Variants in SNX29 observed in about 807,000 individuals in gnomAD.
SNX29 encodes the protein sorting nexin 29.
SNX29 carries 78 observed loss-of-function variants against 102.1 expected under a neutral mutation model. The observed-to-expected ratio is 0.76, with a 90% CI of 0.64 to 0.92. The LOEUF is 0.92. Ranked by LOEUF, SNX29 falls within the 40% of genes least tolerant of loss-of-function variation. SNX29 has a pLI of 0.00. For synonymous variants in SNX29, 580 were observed against 414.5 expected, an observed-to-expected ratio of 1.40 and a Z score of -4.85; for missense variants, 1,280 against 1,061.7, an observed-to-expected ratio of 1.21 and a Z score of -2.86.
At chr16:12,111,864 G>A (rs376842747) in intron 11 of SNX29, among the ~76,000 whole-genome samples, 80 of 152,270 alleles carry the variant, frequency 5.3e-4, no homozygotes, top group African/African-American at 1.7e-3. Context: ...CCCCAGATCC[G>A]TGTCGCCTGC....
At chr16:12,332,633 A>G (rs758456684) in intron 15 of SNX29, among the ~76,000 whole-genome samples, 4 of 152,098 alleles carry the variant, frequency 2.6e-5, no homozygotes, top group East Asian at 1.9e-4. Context: ...TTGACGCTCA[A>G]GAACCCCGTC....
At chr16:12,207,239 G>A (rs2077067429) in intron 14 of SNX29, among the ~76,000 whole-genome samples, 1 of 152,100 alleles carries the variant, frequency 6.6e-6, no homozygotes, top group African/African-American at 2.4e-5. Context: ...TGTGGTGGCA[G>A]GCGCCTGTAA....
intron 15 of SNX29, among the ~76,000 whole-genome samples, chr16:12,306,809 G>A (rs8051758): frequency 0.6 from 91,056 of 152,158 alleles, 28,223 homozygotes; most frequent in African/African-American, 0.73. Context: ...GAGCTGTCCT[G>A]TGTAACTCCC....
intron 18 of SNX29, among the ~76,000 whole-genome samples, chr16:12,471,520 A>T (rs1397768531): frequency 6.6e-6 from 1 of 152,170 alleles, no homozygotes; most frequent in Admixed American, 6.5e-5. Flanking sequence ...GCCAGAATCC[A>T]GTGTCTGGGC....
At chr16:12,438,376 G>T (rs1163014797) in intron 18 of SNX29, among the ~76,000 whole-genome samples, 1 of 152,034 alleles carries the variant, frequency 6.6e-6, no homozygotes, top group Non-Finnish European at 1.5e-5. Flanking sequence ...TTCTGCTGGT[G>T]TCCTTCTCCT....
intron 11 of SNX29, among the ~76,000 whole-genome samples, chr16:12,111,336 C>T (rs757984766): frequency 6.6e-6 from 1 of 152,210 alleles, no homozygotes; most frequent in Non-Finnish European, 1.5e-5. Flanking sequence ...TTGCTGTGGC[C>T]TGCAAAGCCT....
intron 20 of SNX29, among the ~76,000 whole-genome samples, chr16:12,533,054 C>T (rs1023093072): frequency 3.3e-5 from 5 of 151,882 alleles, no homozygotes; most frequent in South Asian, 2.1e-4. Context: ...GAAGGGGAAA[C>T]GATGGTGCCT....
chr16:12,299,398 C>G (rs564281516), intron 15 of SNX29, among the ~76,000 whole-genome samples: 1 of 152,328 alleles, frequency 6.6e-6, no homozygotes, highest in Admixed American at 6.5e-5. Flanking sequence ...GTCCTATCTT[C>G]AGCCCATGGA....
At chr16:12,036,196 T>A (rs56166842) in intron 4 of SNX29, among the ~76,000 whole-genome samples, 1 of 151,920 alleles carries the variant, frequency 6.6e-6, no homozygotes, top group Non-Finnish European at 1.5e-5. Flanking sequence ...TGCTTCCGCC[T>A]CCCAAGTAGC....
At chr16:12,071,266 A>G (rs1384477255) in intron 10 of SNX29, among the ~76,000 whole-genome samples, 1 of 152,156 alleles carries the variant, frequency 6.6e-6, no homozygotes, top group Non-Finnish European at 1.5e-5. Context: ...CTGAATGGTA[A>G]TGCCTAGGTT....
rs1414207317 is a variant in SNX29, at chr16:12,569,642, AG to A, written c.*1014del. Reference sequence around the variant, plus strand: ...CAGAACTCTGCATCCCCTAAGACAGAGTCCTCTGTTCCTCCCATGTCAGGTG... The same window carrying A: ...CAGAACTCTGCATCCCCTAAGACAGATCCTCTGTTCCTCCCATGTCAGGTG... On this transcript the variant is annotated 3_prime_UTR_variant, in exon 21 of 21. Transcript: ENST00000566228. 6 of 221,848 alleles carry A rather than the reference AG, an allele frequency of 2.7e-5. No homozygotes were observed. The highest frequency in any genetic ancestry group is 1.4e-4 in the African/African-American group (6 of 43,194). The allele number at this position is 221,848 out of a possible 1,614,324, so 13.7% of individuals were successfully genotyped here. A position where few individuals can be genotyped will look rare whatever the true frequency, so the allele number is the denominator to read the frequency against.
At chr16:12,185,387 G>C (rs1311151349) in intron 13 of SNX29, among the ~76,000 whole-genome samples, 1 of 152,170 alleles carries the variant, frequency 6.6e-6, no homozygotes, top group Non-Finnish European at 1.5e-5. Context: ...GAGAAACCTA[G>C]ATTTTTAAGG....
intron 14 of SNX29, among the ~76,000 whole-genome samples, chr16:12,216,517 G>T (rs1401170964): frequency 2.0e-5 from 3 of 152,230 alleles, no homozygotes; most frequent in African/African-American, 4.8e-5. Flanking sequence ...GGTTTGATGG[G>T]CATGCAAGCT....
At chr16:12,018,541 T>A (rs2056918060) in intron 3 of SNX29, among the ~76,000 whole-genome samples, 2 of 151,138 alleles carry the variant, frequency 1.3e-5, no homozygotes, top group African/African-American at 4.9e-5. Context: ...CGAGATCGTG[T>A]CACTGCACTT....
intron 4 of SNX29, among the ~76,000 whole-genome samples, chr16:12,037,859 A>G (rs1335304359): frequency 2.6e-5 from 4 of 151,876 alleles, no homozygotes; most frequent in Admixed American, 2.6e-4. Flanking sequence ...TGAGCCTGAG[A>G]TGGGAAGATC....
chr16:12,484,190 C>A (rs1047810556), intron 19 of SNX29, among the ~76,000 whole-genome samples: 1 of 152,244 alleles, frequency 6.6e-6, no homozygotes, highest in Admixed American at 6.5e-5. Flanking sequence ...TCTCTGTCAC[C>A]CAGGCTGGAG....
At chr16:12,365,605 G>A (rs1294620777) in intron 16 of SNX29, among the ~76,000 whole-genome samples, 1 of 151,340 alleles carries the variant, frequency 6.6e-6, no homozygotes, top group Non-Finnish European at 1.5e-5. Context: ...CAGGAGAATC[G>A]CTTGAACCCG....
intron 20 of SNX29, among the ~76,000 whole-genome samples, chr16:12,556,979 G>T (rs2078399191): frequency 6.8e-6 from 1 of 146,652 alleles, no homozygotes; most frequent in African/African-American, 2.5e-5. Context: ...CTCATGAGTA[G>T]CTGGACAACA....
chr16:12,295,785 C>G (rs1332293076), intron 15 of SNX29, among the ~76,000 whole-genome samples: 1 of 151,196 alleles, frequency 6.6e-6, no homozygotes, highest in East Asian at 1.9e-4. Flanking sequence ...TTTTTTTCCT[C>G]ACTCCCTTCA....
Sources: gnomAD v4.1 joint callset for allele counts (sites outside exome capture counted in the v4.1 genomes callset) on GRCh38, gnomAD v4.1.1 for gene constraint, MANE v1.5 for transcripts, NCBI Gene and HGNC (gene_info 2026-07-23, HGNC 2026-07-21) for gene names.